GBF1: variants seen among roughly 807,000 people sequenced by gnomAD.
GBF1 encodes the protein golgi brefeldin A resistant guanine nucleotide exchange factor 1, also known as Golgi-specific brefeldin A-resistance guanine nucleotide exchange factor 1.
A neutral mutation model predicts 210.5 loss-of-function variants in GBF1; 114 were observed. The ratio of observed to expected loss-of-function variants is 0.54; its 90% CI spans 0.47 to 0.63. The LOEUF is 0.63. GBF1 is among the 30% of genes least tolerant of loss of function. The pLI is 0.00. For missense variants in GBF1, 1,851 were observed against 2,357.7 expected (o/e 0.79, Z 4.45); for synonymous variants, 850 against 889.2 (o/e 0.96, Z 0.78).
intron 3 of GBF1, among the ~76,000 whole-genome samples, chr10:102,274,326 C>T (rs1406825695): frequency 6.6e-6 from 1 of 152,062 alleles, no homozygotes; most frequent in Non-Finnish European, 1.5e-5. Flanking sequence ...TTGTCTGTCC[C>T]ACCTCCACCC....
intron 3 of GBF1, among the ~76,000 whole-genome samples, chr10:102,301,722 ACG>A (rs879412311): frequency 7.1e-6 from 1 of 141,574 alleles, no homozygotes. Flanking sequence ...CTGGGCAGAG[ACG>A]CTCCTCACTT....
Position 102,368,359 on chromosome 10 carries a change from C to T in GBF1, c.2784C>T (p.Phe928=). ...CTGCCAGCTATGATCTTGACCTCTT[C>T]ACCATGACCTGGGGCCCCACTATTG... ...VPTASYDLDL[F]TMTWGPTIAA... Residue 928 remains phenylalanine (F), a synonymous_variant, in exon 22 of 40, where the codon TTC becomes TTT. Coordinates refer to ENST00000369983, the MANE Select transcript of GBF1 (RefSeq NM_001377137.1). The T allele has an allele frequency of 6.2e-7, 1 of 1,613,840 alleles. No individual in the cohort carries two copies. Among genetic ancestry groups the T allele is most frequent in the South Asian group, 1.1e-5 (1 of 91,080 alleles).
chr10:102,314,727 C>CT (rs2078784505), intron 3 of GBF1, among the ~76,000 whole-genome samples: 1 of 152,168 alleles, frequency 6.6e-6, no homozygotes, highest in African/African-American at 2.4e-5. Context: ...TTAGCAGAAG[C>CT]ATAATTTCTT....
Position 102,382,410 on chromosome 10 carries a change from G to A in GBF1, c.*74G>A. On this transcript the variant is annotated 3_prime_UTR_variant, in exon 40 of 40. Transcript: ENST00000369983. ...TGACCCCACTTCTGGCTGTCCTGCG[G>A]GCCACAAGCTCTTCAGGCCAAGTCA... 7.4e-7 allele frequency: 1 copy of A among 1,353,014 alleles called. No individual in the cohort carries two copies. The highest frequency in any genetic ancestry group is 1.0e-6 in the Non-Finnish European group (1 of 986,442). 83.8% of individuals were successfully genotyped at this position (1,353,014 alleles called of 1,614,324 possible). A position where few individuals can be genotyped will look rare whatever the true frequency, so the allele number is the denominator to read the frequency against.
intron 3 of GBF1, among the ~76,000 whole-genome samples, chr10:102,335,595 G>A (rs2057673542): frequency 6.6e-6 from 1 of 152,178 alleles, no homozygotes; most frequent in Non-Finnish European, 1.5e-5. Context: ...GGATGGCTAC[G>A]AGCAGAGCTT....
rs1047328847 is a variant in GBF1, at chr10:102,296,552, G to A, written c.163+36436G>A. On this transcript the variant is annotated intron_variant, in intron 3 of 39. Coordinates refer to ENST00000369983, the MANE Select transcript of GBF1 (RefSeq NM_001377137.1). ...GAGGTCAGGAGTTCAAGACCAGCCT[G>A]GCCAAGATGGTGAAACCCCATCTCT... Among the ~76,000 whole-genome samples the A allele has an allele frequency of 2.0e-5, 3 of 152,024 alleles. No individual in the cohort carries two copies. The East Asian group carries it at 5.8e-4, about 29-fold the overall frequency.
intron 3 of GBF1, among the ~76,000 whole-genome samples, chr10:102,328,370 C>T (rs1462803267): frequency 6.6e-6 from 1 of 152,052 alleles, no homozygotes; most frequent in African/African-American, 2.4e-5. Flanking sequence ...TGTGGTGGCA[C>T]ACGCTTTAGT....
chr10:102,268,995 C>T (rs1254199356), intron 3 of GBF1, among the ~76,000 whole-genome samples: 1 of 152,172 alleles, frequency 6.6e-6, no homozygotes, highest in Non-Finnish European at 1.5e-5. Context: ...TCTAGGAAAC[C>T]AGGAGATAAT....
At chr10:102,376,168 A>G in intron 30 of GBF1, 104 bp from the exon 31 acceptor site, 3 of 800,370 alleles carry the variant, frequency 3.7e-6, no homozygotes, top group Non-Finnish European at 6.1e-6. Flanking sequence ...TGCCAGAGAG[A>G]GGGGAGGCCA....
intron 3 of GBF1, among the ~76,000 whole-genome samples, chr10:102,326,335 C>CT (rs960643453): frequency 5.3e-5 from 8 of 152,314 alleles, no homozygotes; most frequent in Admixed American, 2.6e-4. Flanking sequence ...AAGCTACCAC[C>CT]TGAAAACCTC....
intron 3 of GBF1, among the ~76,000 whole-genome samples, chr10:102,278,726 T>A (rs2075221297): frequency 6.6e-6 from 1 of 152,250 alleles, no homozygotes; most frequent in East Asian, 1.9e-4. Flanking sequence ...CAAGAATATT[T>A]CTCATTTTGG....
chr10:102,232,184 C>A, the GBF1 span: 1 of 746,494 alleles, frequency 1.3e-6, no homozygotes, highest in South Asian at 1.5e-5. Context: ...AATTCCCTGG[C>A]GCCTTTCTCA....
intron 2 of GBF1, among the ~76,000 whole-genome samples, chr10:102,259,796 G>A (rs2072956277): frequency 6.6e-6 from 1 of 152,198 alleles, no homozygotes; most frequent in Non-Finnish European, 1.5e-5. Flanking sequence ...GCAATCTGTA[G>A]TAGCTTGAGT....
upstream of GBF1, among the ~76,000 whole-genome samples, chr10:102,240,728 A>G (rs2070512506): frequency 6.6e-6 from 1 of 152,226 alleles, no homozygotes. Flanking sequence ...AGACACCCCA[A>G]GCCAGATCCA....
intron 20 of GBF1, 122 bp downstream of exon 20, chr10:102,367,332 T>A: frequency 8.0e-7 from 1 of 1,242,534 alleles, no homozygotes; most frequent in Non-Finnish European, 1.2e-6. Flanking sequence ...CAGGAAGGGC[T>A]GGCCAACCTA....
Position 102,375,455 on chromosome 10 carries a change from A to T in GBF1, c.3757A>T (p.Thr1253Ser), listed in dbSNP as rs1403574849. 6.2e-7 allele frequency: 1 copy of T among 1,612,914 alleles called. No individual in the cohort carries two copies. Among genetic ancestry groups the T allele is most frequent in the Admixed American group, 1.7e-5 (1 of 59,988 alleles). ...GTATGGGCTCCATGAACTCCTGAAG[A>T]CCAATGCAGCCAACATCCACTCAGG... The part of the protein sequence containing the change: ...VAYGLHELLK[T>S]NAANIHSGDD... Residue 1253 changes from threonine to serine, a missense_variant, in exon 30 of 40, where the codon ACC becomes TCC. Physicochemically the swap from Thr to Ser is moderately conservative, Grantham distance 58. Transcript: ENST00000369983.
intron 17 of GBF1, among the ~76,000 whole-genome samples, chr10:102,364,217 CTTTTTTTTT>C (rs1031275118): frequency 4.5e-5 from 3 of 66,950 alleles, no homozygotes; most frequent in South Asian, 1.2e-3. Context: ...CTTTGGATTT[CTTTTTTTTT>C]TTTTTTTTTT....
At chr10:102,353,708 T>A in intron 8 of GBF1, 54 bp downstream of exon 8, 1 of 1,294,320 alleles carries the variant, frequency 7.7e-7, no homozygotes, top group Non-Finnish European at 1.1e-6. Context: ...ATCTCCCAAC[T>A]TCAGTGCCTT....
chr10:102,252,229 C>G (rs2071632251), intron 1 of GBF1, among the ~76,000 whole-genome samples: 1 of 151,434 alleles, frequency 6.6e-6, no homozygotes, highest in Admixed American at 6.6e-5. Flanking sequence ...ATCCCAGCTG[C>G]TGGGAGGTTG....
Sources: gnomAD v4.1 joint callset for allele counts (sites outside exome capture counted in the v4.1 genomes callset) on GRCh38, gnomAD v4.1.1 for gene constraint, MANE v1.5 for transcripts, NCBI Gene and HGNC (gene_info 2026-07-23, HGNC 2026-07-21) for gene names.